CTNNA2: variants seen among roughly 807,000 people sequenced by gnomAD.
CTNNA2 encodes the protein catenin alpha 2.
Under a neutral mutation model 101.0 loss-of-function variants are expected in CTNNA2, and 42 were observed. The observed-to-expected ratio is 0.42, with a 90% CI of 0.32 to 0.54. The LOEUF (loss-of-function observed/expected upper bound fraction) is 0.54, where lower values mean the gene tolerates loss of function less well. CTNNA2 is among the 20% of genes least tolerant of loss of function. The probability of loss-of-function intolerance (pLI) is 0.14; values close to 1 mark genes in which losing one functional copy is unlikely to be tolerated. For missense variants in CTNNA2, 871 were observed against 1,223.1 expected (o/e 0.71, Z 4.29); for synonymous variants, 450 against 456.4 (o/e 0.99, Z 0.18).
In CTNNA2 at chr2:79,451,289, G is replaced by C. The variant is rs150243936; in HGVS notation, c.-134-53765G>C. 9.1e-4 allele frequency among the ~76,000 whole-genome samples: 139 copies of C among 152,176 alleles called. 1 individual carries two copies. The highest frequency in any genetic ancestry group is 3.0e-3 in the African/African-American group (126 of 41,548). ...TTAGGATCAAAACAAAAATCTTACAGATCTGCAGATTCTGCTAGTTTCAAG... is the reference window on the plus strand; with the variant it reads ...TTAGGATCAAAACAAAAATCTTACACATCTGCAGATTCTGCTAGTTTCAAG... On this transcript the variant is annotated intron_variant, in intron 4 of 21. Coordinates refer to the CTNNA2 transcript ENST00000466387.
chr2:80,626,241 G>A (rs1671672697), intron 18 of CTNNA2, among the ~76,000 whole-genome samples: 1 of 152,066 alleles, frequency 6.6e-6, no homozygotes, highest in Non-Finnish European at 1.5e-5. Context: ...GAATACATCT[G>A]TCTGTAGTTC....
At chr2:79,644,730 C>T (rs919431783) in intron 1 of CTNNA2, among the ~76,000 whole-genome samples, 1 of 152,208 alleles carries the variant, frequency 6.6e-6, no homozygotes, top group Non-Finnish European at 1.5e-5. Context: ...TGCATTAGAA[C>T]ACCTGCTGTT....
At chr2:79,931,329 G>A (rs554808494) in intron 7 of CTNNA2, among the ~76,000 whole-genome samples, 2 of 151,992 alleles carry the variant, frequency 1.3e-5, no homozygotes, top group Admixed American at 6.6e-5. Flanking sequence ...TGAAGAATGG[G>A]TTTCTTTTGT....
chr2:79,414,011 G>A (rs1205393869), intron 4 of CTNNA2, among the ~76,000 whole-genome samples: 1 of 145,602 alleles, frequency 6.9e-6, no homozygotes, highest in East Asian at 2.1e-4. Context: ...TATCTATTTT[G>A]CAGAGTCAAG....
At position 79,372,653 on chromosome 2, in the gene CTNNA2, G is replaced by C. The variant is rs541872059; in HGVS notation, c.-317-1178G>C. Among the ~76,000 whole-genome samples, 404 of 152,276 alleles carry C rather than the reference G, an allele frequency of 2.7e-3. 4 individuals are homozygous for C. Among genetic ancestry groups the C allele is most frequent in the Non-Finnish European group, 3.3e-3 (227 of 68,020 alleles). On this transcript the variant is annotated intron_variant, in intron 3 of 21. Coordinates refer to the CTNNA2 transcript ENST00000466387. ...GGGACAGGGGAGAAGCAACACAAAG[G>C]GCTGTTTTTCAGGACAGATCCCTTG... is the stretch of plus-strand genomic sequence containing the variant.
intron 6 of CTNNA2, among the ~76,000 whole-genome samples, chr2:79,892,664 G>A (rs1199740107): frequency 2.6e-5 from 4 of 152,196 alleles, no homozygotes; most frequent in African/African-American, 7.2e-5. Context: ...GAGACAGACA[G>A]AGATCTGCAT....
intron 1 of CTNNA2, among the ~76,000 whole-genome samples, chr2:79,518,157 A>T (rs1671903150): frequency 6.6e-6 from 1 of 152,228 alleles, no homozygotes; most frequent in Non-Finnish European, 1.5e-5. Flanking sequence ...TAGAGCATGG[A>T]TAAAAAAGTA....
Position 79,648,111 on chromosome 2 carries a change from A to T in CTNNA2, c.-5-3441A>T, listed in dbSNP as rs560311980. 9.7e-4 allele frequency among the ~76,000 whole-genome samples: 148 copies of T among 152,326 alleles called. 1 individual carries two copies. The highest frequency in any genetic ancestry group is 3.4e-3 in the Middle Eastern group (1 of 294). ...ATGACTATTTACTGAAAAATCCTCC[A>T]ATCTACCTCAAATGCCTGTGCATTT... On this transcript the variant is annotated intron_variant, in intron 1 of 18. Coordinates refer to ENST00000402739, the MANE Select transcript of CTNNA2 (RefSeq NM_001282597.3).
At chr2:79,583,871 G>A (rs1180102163) in intron 1 of CTNNA2, among the ~76,000 whole-genome samples, 1 of 152,236 alleles carries the variant, frequency 6.6e-6, no homozygotes, top group East Asian at 1.9e-4. Flanking sequence ...ATTGACTGAG[G>A]AAACTGAAAT....
chr2:79,739,751 T>G (rs1671155607), intron 2 of CTNNA2, among the ~76,000 whole-genome samples: 1 of 152,214 alleles, frequency 6.6e-6, no homozygotes, highest in Non-Finnish European at 1.5e-5. Flanking sequence ...ATACCTGCAA[T>G]TCCAGCAATT....
intron 2 of CTNNA2, among the ~76,000 whole-genome samples, chr2:79,278,773 T>C (rs1675283638): frequency 6.6e-6 from 1 of 152,094 alleles, no homozygotes; most frequent in South Asian, 2.1e-4. Flanking sequence ...AGGGACTGAC[T>C]GGGTTATCCA....
At chr2:79,964,163 G>C (rs565211101) in intron 7 of CTNNA2, among the ~76,000 whole-genome samples, 25 of 152,140 alleles carry the variant, frequency 1.6e-4, no homozygotes, top group African/African-American at 5.3e-4. Context: ...TCTATCTTCT[G>C]TTATTGTCTC....
At chr2:79,750,835 G>A (rs1671977595) in intron 3 of CTNNA2, among the ~76,000 whole-genome samples, 1 of 150,732 alleles carries the variant, frequency 6.6e-6, no homozygotes, top group Non-Finnish European at 1.5e-5. Flanking sequence ...TCTTGCCACT[G>A]CACTCCAGCC....
chr2:80,162,882 T>C (rs999526884), intron 7 of CTNNA2: 3 of 1,589,998 alleles, frequency 1.9e-6, no homozygotes, highest in African/African-American at 2.7e-5. Context: ...AGTCATGTTA[T>C]CCCTAGTCCT....
In CTNNA2 at chr2:80,161,791, C is replaced by T. The variant is rs868637535; in HGVS notation, c.1057-231420C>T. ...ACTGTATTTTTCATGTAAAAATATA[C>T]GTGTAGAGATATTTTAACTTCCTGA... On this transcript the variant is annotated intron_variant, in intron 7 of 18. Coordinates refer to ENST00000402739, the MANE Select transcript of CTNNA2 (RefSeq NM_001282597.3). 5.9e-5 allele frequency among the ~76,000 whole-genome samples: 9 copies of T among 152,012 alleles called. No individual in the cohort carries two copies. The South Asian group carries it at 1.2e-3, about 21-fold the overall frequency.
At chr2:79,853,436 A>G (rs1680885936) in intron 3 of CTNNA2, among the ~76,000 whole-genome samples, 1 of 152,092 alleles carries the variant, frequency 6.6e-6, no homozygotes, top group South Asian at 2.1e-4. Flanking sequence ...TTCACCCAGC[A>G]CTCTTTGAAT....
At chr2:79,758,298 C>G (rs959300272) in intron 3 of CTNNA2, among the ~76,000 whole-genome samples, 1 of 152,170 alleles carries the variant, frequency 6.6e-6, no homozygotes, top group Non-Finnish European at 1.5e-5. Flanking sequence ...GAAGACGAAG[C>G]TGATTCACTG....
At chr2:79,419,670 A>G (rs1282086466) in intron 4 of CTNNA2, among the ~76,000 whole-genome samples, 1 of 152,194 alleles carries the variant, frequency 6.6e-6, no homozygotes. Flanking sequence ...GGGGTTTTCT[A>G]GTAAAAAGAA....
At chr2:79,465,497 A>AC (rs1553413205) in intron 4 of CTNNA2, among the ~76,000 whole-genome samples, 1 of 152,016 alleles carries the variant, frequency 6.6e-6, no homozygotes, top group Non-Finnish European at 1.5e-5. Context: ...AATTTAAAGT[A>AC]TTTTTTTCCA....
Sources: gnomAD v4.1 joint callset for allele counts (sites outside exome capture counted in the v4.1 genomes callset) on GRCh38, gnomAD v4.1.1 for gene constraint, MANE v1.5 for transcripts, NCBI Gene and HGNC (gene_info 2026-07-23, HGNC 2026-07-21) for gene names.